Variants in MYH3 observed in about 807,000 individuals in gnomAD.
The protein encoded by MYH3 is myosin-3.
A neutral mutation model predicts 238.0 loss-of-function variants in MYH3; 130 were observed. That is an observed-to-expected ratio of 0.55 (90% CI 0.47 to 0.63). The LOEUF (loss-of-function observed/expected upper bound fraction) is 0.63, where lower values mean the gene tolerates loss of function less well. Ranked by LOEUF, MYH3 falls within the 30% of genes least tolerant of loss-of-function variation. The pLI, the probability that MYH3 is intolerant of heterozygous loss-of-function variation, is 0.00. For missense variants in MYH3, 1,853 were observed against 2,374.9 expected, an observed-to-expected ratio of 0.78 and a Z score of 4.57; for synonymous variants, 880 against 924.1, an observed-to-expected ratio of 0.95 and a Z score of 0.86.
the MYH3 span, chr17:10,676,676 A>C: frequency 6.6e-6 from 1 of 152,234 alleles, no homozygotes; most frequent in African/African-American, 2.4e-5. Flanking sequence ...AAGGCCCCTT[A>C]TGAGGGGGAC....
At position 10,654,840 on chromosome 17, in the gene MYH3, G is replaced by C; in HGVS notation, c.204+21C>G. 1.9e-6 allele frequency: 3 copies of C among 1,610,212 alleles called. No individual in the cohort carries two copies. Among genetic ancestry groups the C allele is most frequent in the Non-Finnish European group, 2.6e-6 (3 of 1,176,434 alleles). On this transcript the variant is annotated intron_variant, in intron 3 of 40. Transcript: ENST00000583535. This position sits in a 1 kb window ranked among gnomAD's most constrained non-coding sequence, Gnocchi z 4.5. The stretch of plus-strand genomic sequence containing the variant: ...GGACCAGGTGGAGGGCCAGCAGCCT[G>C]TGGAGGGTACAGAGCCTTACCCTGT...
rs2074244711 is a variant in MYH3 at position 10,639,086 on chromosome 17, T to C, written c.3206A>G (p.Asp1069Gly). The C allele has an allele frequency of 1.2e-6, 2 of 1,614,104 alleles. No individual in the cohort carries two copies. The highest frequency in any genetic ancestry group is 2.7e-5 in the African/African-American group (2 of 74,938). Reference sequence around the variant, plus strand: ...CAGCTGTTGCTTGTCATTCTCCAGATCTAATATGGACTCTTGAGCAAGCTT... The same window carrying C: ...CAGCTGTTGCTTGTCATTCTCCAGACCTAATATGGACTCTTGAGCAAGCTT... ...DLKLAQESIL[D>G]LENDKQQLDE... Residue 1069 changes from aspartate to glycine, a missense_variant, in exon 25 of 41, where the codon GAT becomes GGT. Coordinates refer to ENST00000583535, the MANE Select transcript of MYH3 (RefSeq NM_002470.4).
intron 14 of MYH3, among the ~76,000 whole-genome samples, chr17:10,643,794 T>G (rs914020170): frequency 6.6e-6 from 1 of 152,302 alleles, no homozygotes; most frequent in African/African-American, 2.4e-5. Context: ...TTGCATTTAA[T>G]TTTTTTTCTT....
At position 10,640,638 on chromosome 17, in the gene MYH3, G is replaced by A. The variant is rs1233239664; in HGVS notation, c.2214C>T (p.Asp738=). 4.3e-6 allele frequency: 7 copies of A among 1,614,070 alleles called. No homozygotes were observed. In the East Asian group the frequency reaches 1.3e-4, roughly 31 times the overall value. Residue 738 remains aspartate (D), a synonymous_variant, in exon 20 of 41, where the codon GAC becomes GAT. Coordinates refer to ENST00000583535, the MANE Select transcript of MYH3 (RefSeq NM_002470.4). ...GAAGCTTTTCACAGGCTTTCTTGCT[G>A]TCAATGAATTGTCCCTCAGGGATTG... The part of the protein sequence containing the change: ...ASAIPEGQFI[D]SKKACEKLLA...
rs1165241900 is a variant in MYH3, at chr17:10,631,786, C to T, written c.5160+27G>A. ...CCAGGTGCGTATGAGGCTGGAACCT[C>T]GCCTCTCTTCCTCTCCCTCCCCTCA... On this transcript the variant is annotated intron_variant, in intron 35 of 40. Coordinates refer to ENST00000583535, the MANE Select transcript of MYH3 (RefSeq NM_002470.4). 20 of 1,614,006 alleles carry T rather than the reference C, an allele frequency of 1.2e-5. No homozygotes were observed. In the East Asian group the frequency reaches 2.7e-4, roughly 22 times the overall value.
At chr17:10,632,222 A>G (rs1035510441) in intron 34 of MYH3, among the ~76,000 whole-genome samples, 1 of 152,124 alleles carries the variant, frequency 6.6e-6, no homozygotes, top group Non-Finnish European at 1.5e-5. Flanking sequence ...CCTGGAAAGC[A>G]ATCCTCCCAT....
chr17:10,647,467 T>C (rs1406061613), intron 8 of MYH3, 41 bp from the exon 9 acceptor site: 21 of 1,598,104 alleles, frequency 1.3e-5, no homozygotes, highest in Non-Finnish European at 1.8e-5. Context: ...GATTCTACCA[T>C]GGCCCAATAG....
chr17:10,640,474 T>C lies in MYH3; in HGVS notation c.2290-5A>G. On this transcript the variant is annotated splice_region_variant and splice_polypyrimidine_tract_variant and intron_variant, in intron 20 of 40. Transcript: ENST00000583535. The stretch of plus-strand genomic sequence containing the variant: ...CAAGCCAGCCTTGAAGAACACCTTA[T>C]GGGGCAGAAGGGTGACATGAGTCAG... 1 of 1,614,200 alleles carries C rather than the reference T, an allele frequency of 6.2e-7. No individual in the cohort carries two copies. The highest frequency in any genetic ancestry group is 1.1e-5 in the South Asian group (1 of 91,084).
chr17:10,633,713 C>A lies in MYH3; in HGVS notation c.4525G>T (p.Glu1509Ter), dbSNP rs2074186150. ...ATTTGTTCTGTGAGATCTGCTATCTCCTCTGTAAAGAAGTAAGTTTCAGTT... is the reference window on the plus strand; with the variant it reads ...ATTTGTTCTGTGAGATCTGCTATCTACTCTGTAAAGAAGTAAGTTTCAGTT... ...VKRENKNLEQ[E>*]IADLTEQIAE... Residue 1509 changes from glutamate (E) to a stop codon, truncating the protein, a stop_gained and splice_region_variant, in exon 33 of 41, where the codon GAG (glutamate) becomes TAG (stop). Coordinates refer to ENST00000583535, the MANE Select transcript of MYH3 (RefSeq NM_002470.4). LOFTEE classifies it high-confidence loss of function. 2 of 1,613,880 alleles carry A rather than the reference C, an allele frequency of 1.2e-6. No homozygotes were observed. The highest frequency in any genetic ancestry group is 1.7e-5 in the Admixed American group (1 of 60,014).
intron 3 of MYH3, 137 bp from the exon 4 acceptor site, chr17:10,652,700 C>T (rs1467632928): frequency 1.1e-6 from 1 of 926,814 alleles, no homozygotes; most frequent in East Asian, 2.8e-5. Flanking sequence ...CGGCTCACTG[C>T]AAGCTCCACC....
chr17:10,642,919 C>A lies in MYH3; in HGVS notation c.1488G>T (p.Val496=). 6.2e-7 allele frequency: 1 copy of A among 1,614,160 alleles called. No individual in the cohort carries two copies. The highest frequency in any genetic ancestry group is 8.5e-7 in the Non-Finnish European group (1 of 1,180,036). ...LQQFFNHHMF[V]LEQEEYKKEG... is the part of the protein sequence containing the mutation. ...CCTTCTTGTACTCCTCCTGCTCCAG[C>A]ACGAACATGTGGTGGTTGAAAAACT... The change falls in exon 15 of 41, where the codon GTG becomes GTT. Residue 496 remains valine, a synonymous_variant. Coordinates refer to ENST00000583535, the MANE Select transcript of MYH3 (RefSeq NM_002470.4). This position sits in a 1 kb window ranked among gnomAD's most constrained non-coding sequence, Gnocchi z 5.4.
At chr17:10,660,456 A>T (rs1045807970), upstream of MYH3, among the ~76,000 whole-genome samples, 12 of 146,758 alleles carry the variant, frequency 8.2e-5, no homozygotes, top group Non-Finnish European at 1.5e-4. Flanking sequence ...CGGGCGGATC[A>T]TGAGGTCAGG....
intron 2 of MYH3, 72 bp downstream of exon 2, chr17:10,656,018 G>C (rs2074426498): frequency 6.6e-6 from 1 of 152,240 alleles, no homozygotes; most frequent in African/African-American, 2.4e-5. Flanking sequence ...GTGGGAGGAG[G>C]GAGAAAGGAA....
chr17:10,628,931 T>G (rs914452257), intron 40 of MYH3, among the ~76,000 whole-genome samples: 6 of 152,220 alleles, frequency 3.9e-5, no homozygotes, highest in Non-Finnish European at 5.9e-5. Flanking sequence ...TTCAGCGGGC[T>G]CTGGAGGGGG....
In MYH3 at chr17:10,651,744, ATT is replaced by A. The variant is rs2074377643; in HGVS notation, c.349-78_349-77del. On this transcript the variant is annotated intron_variant, in intron 4 of 40. Transcript: ENST00000583535. ...AAAACCCCTTGCCTTTATTATTATT[ATT>A]GTTTTTTTTTTTTTTTGAGACGGAG... 4.4e-6 allele frequency: 5 copies of A among 1,134,498 alleles called. No individual in the cohort carries two copies. The African/African-American group carries it at 5.3e-5, about 12-fold the overall frequency. The allele number at this position is 1,134,498 out of a possible 1,614,324, so 70.3% of individuals were successfully genotyped here.
At chr17:10,660,171 T>C (rs1392379684), upstream of MYH3, among the ~76,000 whole-genome samples, 1 of 152,244 alleles carries the variant, frequency 6.6e-6, no homozygotes, top group Non-Finnish European at 1.5e-5. Context: ...AGACTAGTTA[T>C]GTGCATTCAG....
At position 10,629,733 on chromosome 17, in the gene MYH3, T is replaced by C. The variant is rs147304568; in HGVS notation, c.5660A>G (p.Asp1887Gly). Residue 1887 changes from aspartate to glycine, a missense_variant and splice_region_variant, in exon 40 of 41, where the codon GAT (aspartate) becomes GGT (glycine). By Grantham distance (94) the Asp-to-Gly change is moderately conservative. Transcript: ENST00000583535. ...KSYKRQAEEA[D>G]EQANAHLTKF... Reference sequence around the variant, plus strand: ...GGTGAGATGAGCATTGGCTTGTTCATCCTAAAACCAAAGAGCCCAGGCAGG... The same window carrying C: ...GGTGAGATGAGCATTGGCTTGTTCACCCTAAAACCAAAGAGCCCAGGCAGG... 86 of 1,614,208 alleles carry C rather than the reference T, an allele frequency of 5.3e-5. No homozygotes were observed. The highest frequency in any genetic ancestry group is 1.6e-4 in the Middle Eastern group (1 of 6,062).
Position 10,634,186 on chromosome 17 carries a change from A to C in MYH3, c.4357-4T>G. 1 of 1,614,150 alleles carries C rather than the reference A, an allele frequency of 6.2e-7. No homozygotes were observed. The highest frequency in any genetic ancestry group is 8.5e-7 in the Non-Finnish European group (1 of 1,180,018). On this transcript the variant is annotated splice_region_variant and splice_polypyrimidine_tract_variant and intron_variant, in intron 31 of 40. Transcript: ENST00000583535. ...TTGTCTTCCACTCTGCCAACACCTG[A>C]AACACCGGACGGAAGTTCTCTCCGT...
intron 36 of MYH3, 117 bp from the exon 37 acceptor site, chr17:10,630,575 C>T (rs547975397): frequency 1.0e-5 from 15 of 1,479,758 alleles, no homozygotes; most frequent in Admixed American, 8.5e-5. Context: ...ACAGGCCAGG[C>T]GCGGTGGCTC....
Sources: allele counts gnomAD v4.1 joint callset (sites outside exome capture counted in the v4.1 genomes callset), GRCh38; gene constraint gnomAD v4.1.1; non-coding constraint Gnocchi (gnomAD v3.1); transcripts MANE v1.5; gene names NCBI Gene and HGNC (gene_info 2026-07-23, HGNC 2026-07-21).